SH3KBP1: variants seen among roughly 807,000 people sequenced by gnomAD.
SH3KBP1 encodes SH3 domain containing kinase binding protein 1.
Under a neutral mutation model 50.1 loss-of-function variants are expected in SH3KBP1, and 8 were observed. The ratio of observed to expected loss-of-function variants is 0.16; its 90% CI spans 0.09 to 0.29. SH3KBP1 has a LOEUF of 0.29. Among genes scored for constraint, SH3KBP1 ranks in the 10% least tolerant of loss-of-function variants. The pLI is 1.00. For synonymous variants in SH3KBP1, 227 were observed against 218.6 expected (o/e 1.04, Z -0.34); for missense variants, 377 against 535.2 (o/e 0.70, Z 2.92).
intron 1 of SH3KBP1, among the ~76,000 whole-genome samples, chrX:19,847,057 G>A (rs1823682123): frequency 8.9e-6 from 1 of 111,915 alleles, no homozygotes; most frequent in Non-Finnish European, 1.9e-5. Flanking sequence ...ACAGAAAAAT[G>A]TGGTTGGTCA....
Position 19,534,585 on chromosome X carries a change from A to AG in SH3KBP1, c.*1831dup, listed in dbSNP as rs1164527459. 7.8e-6 allele frequency: 2 copies of AG among 255,402 alleles called. 1 individual carries two copies. Among genetic ancestry groups the AG allele is most frequent in the East Asian group, 1.1e-4 (2 of 17,464 alleles). 21.0% of individuals were successfully genotyped at this position (255,402 alleles called of 1,213,427 possible). On this transcript the variant is annotated 3_prime_UTR_variant, in exon 18 of 18. Transcript: ENST00000397821. ...AACGCAGAAATGCTTATAACTGTCA[A>AG]GGGGTACAGGGATGTTTTACGCTGC...
chrX:19,554,654 G>T (rs1156249361), intron 13 of SH3KBP1, among the ~76,000 whole-genome samples: 1 of 109,882 alleles, frequency 9.1e-6, no homozygotes, highest in African/African-American at 3.3e-5. Flanking sequence ...CACCCACCTC[G>T]GCCTCCCAAA....
chrX:19,603,194 T>C (rs1372481038), intron 9 of SH3KBP1, among the ~76,000 whole-genome samples: 4 of 112,054 alleles, frequency 3.6e-5, no homozygotes, highest in Non-Finnish European at 7.5e-5. Context: ...ATCTTTCCCT[T>C]TGGTGCATGA....
chrX:19,805,966 T>C (rs1487398649), intron 2 of SH3KBP1, among the ~76,000 whole-genome samples: 1 of 111,374 alleles, frequency 9.0e-6, no homozygotes, highest in East Asian at 2.8e-4. Context: ...CCTCAATGAA[T>C]ATATCATTAC....
chrX:19,834,689 C>T (rs1431738193), intron 2 of SH3KBP1, among the ~76,000 whole-genome samples: 2 of 111,618 alleles, frequency 1.8e-5, no homozygotes, highest in African/African-American at 6.5e-5. Flanking sequence ...TTGTTTAATG[C>T]TTCATGGACA....
At chrX:19,792,820 T>C (rs2066577290) in intron 2 of SH3KBP1, among the ~76,000 whole-genome samples, 1 of 108,473 alleles carries the variant, frequency 9.2e-6, no homozygotes, top group Non-Finnish European at 1.9e-5. Flanking sequence ...GCGATTGTGC[T>C]ATTGGCATCT....
At chrX:19,551,874 ACCC>A (rs199922396) in intron 13 of SH3KBP1, among the ~76,000 whole-genome samples, 91 of 109,717 alleles carry the variant, frequency 8.3e-4, no homozygotes, top group Non-Finnish European at 2.8e-4. Flanking sequence ...TGACATGAAC[ACCC>A]CCCCAATTCA....
rs752491975 is a variant in SH3KBP1 at position 19,762,798 on chromosome X, T to C, written c.163-16357A>G. On this transcript the variant is annotated intron_variant, in intron 2 of 17. Coordinates refer to ENST00000397821, the MANE Select transcript of SH3KBP1 (RefSeq NM_031892.3). Reference sequence around the variant, plus strand: ...GATGAAGGCACAACAGTTGTCCTCATTGGCTCTTCTGAAATGCTCATGGAA... The same window carrying C: ...GATGAAGGCACAACAGTTGTCCTCACTGGCTCTTCTGAAATGCTCATGGAA... Among the ~76,000 whole-genome samples, 6 of 111,856 alleles carry C rather than the reference T, an allele frequency of 5.4e-5. No homozygotes were observed. In the East Asian group the frequency reaches 1.7e-3, roughly 31 times the overall value.
chrX:19,541,704 G>A (rs1180385591), intron 16 of SH3KBP1, among the ~76,000 whole-genome samples: 4 of 112,232 alleles, frequency 3.6e-5, no homozygotes, highest in Middle Eastern at 4.6e-3. Flanking sequence ...GCCAGCCTGT[G>A]CCCTTCCTGC....
At chrX:19,579,612 A>C (rs1297990050) in intron 12 of SH3KBP1, among the ~76,000 whole-genome samples, 1 of 112,365 alleles carries the variant, frequency 8.9e-6, no homozygotes. Context: ...CATGTGACTC[A>C]GCCTGGGCTG....
At position 19,545,981 on chromosome X, in the gene SH3KBP1, G is replaced by C; in HGVS notation, c.1564C>G (p.Leu522Val). 2.5e-6 allele frequency: 3 copies of C among 1,210,858 alleles called. No homozygotes were observed. Among genetic ancestry groups the C allele is most frequent in the Non-Finnish European group, 3.4e-6 (3 of 894,538 alleles). Reference sequence around the variant, plus strand: ...GACGCGTCCACTCCTCTGTGCGCAAGTGAAATGTGTTCCTCCTTATCCTCT... The same window carrying C: ...GACGCGTCCACTCCTCTGTGCGCAACTGAAATGTGTTCCTCCTTATCCTCT... ...PEEDKEEHIS[L>V]AHRGVDASKK... The change falls in exon 15 of 18, where the codon CTT becomes GTT. Residue 522 changes from leucine (L) to valine (V), a missense_variant. This residue lies in a region of SH3KBP1 where 110 missense variants were observed against 124.1 expected (regional missense o/e 0.89). Coordinates refer to ENST00000397821, the MANE Select transcript of SH3KBP1 (RefSeq NM_031892.3).
chrX:19,539,659 AG>A (rs1280644636), intron 16 of SH3KBP1, among the ~76,000 whole-genome samples: 1 of 112,216 alleles, frequency 8.9e-6, no homozygotes, highest in Non-Finnish European at 1.9e-5. Flanking sequence ...GAATTGACAG[AG>A]AAAAGCCAGA....
chrX:19,635,419 G>T (rs887701008), intron 7 of SH3KBP1, among the ~76,000 whole-genome samples: 2 of 108,751 alleles, frequency 1.8e-5, no homozygotes, highest in African/African-American at 6.7e-5. Flanking sequence ...GGGCCTGTTG[G>T]GGGGTGGGGG....
At chrX:19,574,008 G>C (rs1330114503) in intron 12 of SH3KBP1, among the ~76,000 whole-genome samples, 1 of 110,924 alleles carries the variant, frequency 9.0e-6, no homozygotes, top group African/African-American at 3.3e-5. Flanking sequence ...AGAAATGTTG[G>C]AGTCTGGGGT....
chrX:19,769,009 T>C (rs190491008), intron 2 of SH3KBP1, among the ~76,000 whole-genome samples: 633 of 109,504 alleles, frequency 5.8e-3, no homozygotes, highest in Non-Finnish European at 9.7e-3. Context: ...CACCTCCTGT[T>C]AAGCAGAAGG....
intron 1 of SH3KBP1, among the ~76,000 whole-genome samples, chrX:19,870,969 T>C (rs1176510046): frequency 1.8e-5 from 2 of 111,766 alleles, no homozygotes; most frequent in Admixed American, 9.5e-5. Flanking sequence ...TGGGAAATGT[T>C]TTCCTTGTGA....
At chrX:19,549,038 C>A (rs1327550223) in intron 14 of SH3KBP1, among the ~76,000 whole-genome samples, 1 of 111,744 alleles carries the variant, frequency 8.9e-6, no homozygotes, top group Non-Finnish European at 1.9e-5. Context: ...TAATGAGGAA[C>A]TGGAAACAAC....
intron 1 of SH3KBP1, among the ~76,000 whole-genome samples, chrX:19,874,276 G>C (rs985509620): frequency 7.2e-5 from 7 of 96,848 alleles, no homozygotes; most frequent in Non-Finnish European, 1.2e-4. Flanking sequence ...GAAGGAGGAG[G>C]AAGTGCAAGA....
chrX:19,869,618 G>A (rs1603287718), intron 1 of SH3KBP1, among the ~76,000 whole-genome samples: 1 of 112,357 alleles, frequency 8.9e-6, no homozygotes. Context: ...GCTGTCTTGG[G>A]GTCTCTGTGA....
Sources: allele counts gnomAD v4.1 joint callset (sites outside exome capture counted in the v4.1 genomes callset), GRCh38; gene constraint gnomAD v4.1.1; regional missense constraint gnomAD v4.1.1; transcripts MANE v1.5; gene names NCBI Gene and HGNC (gene_info 2026-07-23, HGNC 2026-07-21).